The following NEK3 variants were observed in gnomAD, a reference collection of about 807,000 sequenced individuals.
NEK3 encodes NIMA related kinase 3.
A neutral mutation model predicts 66.0 loss-of-function variants in NEK3; 54 were observed. That is an observed-to-expected ratio of 0.82 (90% CI 0.66 to 1.03). NEK3 has a LOEUF of 1.03. Ranked by LOEUF, NEK3 falls within the 50% of genes least tolerant of loss-of-function variation. NEK3 has a pLI of 0.00. For synonymous variants in NEK3, 200 were observed against 206.2 expected (o/e 0.97, Z 0.26); for missense variants, 593 against 603.0 (o/e 0.98, Z 0.17).
chr13:52,152,815 C>T, intron 4 of NEK3, 123 bp from the exon 5 acceptor site: 2 of 577,280 alleles, frequency 3.5e-6, no homozygotes, highest in East Asian at 5.8e-5. Context: ...GAGTACAGAA[C>T]TCCTATAAAT....
In NEK3 at chr13:52,143,922, T is replaced by C. The variant is rs927211987; in HGVS notation, c.870A>G (p.Arg290=). Reference sequence around the variant, plus strand: ...CTCTGTCAAAATTCTTACTTTTTTTTCTTGGTGTGTTATGCTTCGAATTTT... The same window carrying C: ...CTCTGTCAAAATTCTTACTTTTTTTCCTTGGTGTGTTATGCTTCGAATTTT... ...EIKNSKHNTP[R]KKTNPSRIRI... is the part of the protein sequence containing the mutation. The change falls in exon 10 of 16, where the codon AGA becomes AGG. Residue 290 remains arginine, a synonymous_variant. Transcript: ENST00000610828. 10 of 1,413,956 alleles carry C rather than the reference T, an allele frequency of 7.1e-6. No homozygotes were observed. The highest frequency in any genetic ancestry group is 1.3e-5 in the South Asian group (1 of 77,314). 87.6% of individuals were successfully genotyped at this position (1,413,956 alleles called of 1,614,324 possible).
intron 10 of NEK3, among the ~76,000 whole-genome samples, chr13:52,142,722 T>C (rs1380311746): frequency 6.6e-6 from 1 of 152,238 alleles, no homozygotes; most frequent in Non-Finnish European, 1.5e-5. Context: ...AACATTATGA[T>C]AAAGAGCACC....
chr13:52,133,290 C>A, intron 15 of NEK3, 64 bp from the exon 16 acceptor site: 1 of 1,278,102 alleles, frequency 7.8e-7, no homozygotes, highest in South Asian at 1.3e-5. Context: ...TTGATGAGTT[C>A]AAAGCGGAAT....
intron 14 of NEK3, 62 bp from the exon 15 acceptor site, chr13:52,133,877 T>G (rs1197377650): frequency 1.3e-5 from 19 of 1,507,528 alleles, no homozygotes; most frequent in Non-Finnish European, 1.7e-5. Context: ...TTCATGCAGT[T>G]TGATTAAAAT....
At position 52,133,144 on chromosome 13, in the gene NEK3, A is replaced by C; in HGVS notation, c.1519T>G (p.Ter507GluextTer7). Residue 507 changes from the stop codon to glutamate, a stop_lost, in exon 16 of 16, where the codon TAA becomes GAA. Coordinates refer to ENST00000610828, the MANE Select transcript of NEK3 (RefSeq NM_002498.3). ...RAGWQGLCDR* is the reference protein window; with the variant it reads ...RAGWQGLCDRE ...ACTCAGGAACATTTCCTCAGGCATTATCTGTCGCACAGGCCTTGCCATCCA... is the reference window on the plus strand; with the variant it reads ...ACTCAGGAACATTTCCTCAGGCATTCTCTGTCGCACAGGCCTTGCCATCCA... The C allele has an allele frequency of 6.2e-7, 1 of 1,608,094 alleles. No homozygotes were observed. Among genetic ancestry groups the C allele is most frequent in the African/African-American group, 1.3e-5 (1 of 74,952 alleles).
intron 11 of NEK3, among the ~76,000 whole-genome samples, chr13:52,137,689 G>A (rs924167510): frequency 1.3e-5 from 2 of 152,104 alleles, no homozygotes; most frequent in Admixed American, 6.6e-5. Context: ...TAGTGGTGAG[G>A]GGCAGCTGTG....
Position 52,136,130 on chromosome 13 carries a change from G to A in NEK3, c.1160C>T (p.Ala387Val), listed in dbSNP as rs187445275. 2 of 1,613,732 alleles carry A rather than the reference G, an allele frequency of 1.2e-6. No homozygotes were observed. The highest frequency in any genetic ancestry group is 3.3e-5 in the Admixed American group (2 of 60,008). The change falls in exon 13 of 16, where the codon GCA becomes GTA. Residue 387 changes from alanine to valine, a missense_variant. Transcript: ENST00000610828. Reference protein sequence around the residue: ...NASILTSSLTAEDDRGGSVIK... With the variant: ...NASILTSSLTVEDDRGGSVIK... ...TGACTACTAACCTCTATCGTCCTCT[G>A]CTGTTAAACTGGAGGTGAGTATGGA...
At chr13:52,140,885 G>C in intron 11 of NEK3, 135 bp downstream of exon 11, 1 of 570,672 alleles carries the variant, frequency 1.8e-6, no homozygotes, top group Non-Finnish European at 3.0e-6. Context: ...GCGCAATCTA[G>C]GCTCACTGCA....
chr13:52,159,374 C>T (rs111886345), intron 1 of NEK3, 169 bp downstream of exon 1: 5,962 of 152,418 alleles, frequency 0.039, 127 homozygotes, highest in South Asian at 0.065. Context: ...CCCAAGGCGG[C>T]GAGGGACTTG....
chr13:52,154,799 G>A (rs1956378127), intron 2 of NEK3, among the ~76,000 whole-genome samples: 1 of 148,304 alleles, frequency 6.7e-6, no homozygotes, highest in Non-Finnish European at 1.5e-5. Flanking sequence ...ACCCTCCCCA[G>A]TGGCTGGGAC....
rs768782225 is a variant in NEK3 at position 52,144,811 on chromosome 13, A to G, written c.684T>C (p.Tyr228=). ...TCTGCTTGACTAGGAACTGAAGTTC[A>G]TAGGAGTAATGAGACGGCAGTGGAC... ...CISPLPSHYS[Y]ELQFLVKQMF... is the part of the protein sequence containing the mutation. Residue 228 remains tyrosine (Y), a synonymous_variant, in exon 9 of 16, where the codon TAT becomes TAC. Transcript: ENST00000610828. 5 of 1,612,774 alleles carry G rather than the reference A, an allele frequency of 3.1e-6. No individual in the cohort carries two copies. In the African/African-American group the frequency reaches 6.7e-5, roughly 22 times the overall value.
At position 52,141,010 on chromosome 13, in the gene NEK3, A is replaced by G; in HGVS notation, c.927+10T>C. ...GCCCGGCCTCATAAAAGTAATTTTAAAGCACTTACCACTGTGCTTGCTTCA... is the reference window on the plus strand; with the variant it reads ...GCCCGGCCTCATAAAAGTAATTTTAGAGCACTTACCACTGTGCTTGCTTCA... On this transcript the variant is annotated intron_variant, in intron 11 of 15. Transcript: ENST00000610828. 1 of 1,584,768 alleles carries G rather than the reference A, an allele frequency of 6.3e-7. No homozygotes were observed. The highest frequency in any genetic ancestry group is 8.6e-7 in the Non-Finnish European group (1 of 1,165,060).
intron 12 of NEK3, among the ~76,000 whole-genome samples, 197 bp from the exon 13 acceptor site, chr13:52,136,456 G>T (rs543559191): frequency 6.6e-6 from 1 of 151,420 alleles, no homozygotes; most frequent in Non-Finnish European, 1.5e-5. Context: ...AAATTAAAAC[G>T]AACCATTACA....
At chr13:52,150,116 C>T (rs1227354043) in intron 7 of NEK3, among the ~76,000 whole-genome samples, 1 of 152,130 alleles carries the variant, frequency 6.6e-6, no homozygotes, top group Non-Finnish European at 1.5e-5. Context: ...TTAAAATAAC[C>T]TATTTAGTAT....
At chr13:52,154,299 T>C in intron 2 of NEK3, 126 bp from the exon 3 acceptor site, 1 of 564,686 alleles carries the variant, frequency 1.8e-6, no homozygotes, top group Non-Finnish European at 3.0e-6. Context: ...TGGCTCAACT[T>C]AAGTTTGTCA....
At chr13:52,141,160 G>A (rs1956247624) in intron 10 of NEK3, 91 bp from the exon 11 acceptor site, 2 of 1,182,952 alleles carry the variant, frequency 1.7e-6, no homozygotes, top group Admixed American at 4.6e-5. Flanking sequence ...AGCTGGAGAA[G>A]TGAGTGAGGT....
intron 14 of NEK3, 123 bp downstream of exon 14, chr13:52,135,606 G>A (rs2408611): frequency 0.54 from 400,956 of 739,972 alleles, 113,481 homozygotes; most frequent in Non-Finnish European, 0.59. Flanking sequence ...ACAATGTGAC[G>A]TACTTAGTGC....
At chr13:52,156,013 CTTA>C in intron 2 of NEK3, 59 bp downstream of exon 2, 1 of 1,170,572 alleles carries the variant, frequency 8.5e-7, no homozygotes, top group South Asian at 1.5e-5. Context: ...TGGCCAAAAA[CTTA>C]TTCTTTTATA....
At chr13:52,152,039 A>T (rs1185290440) in intron 5 of NEK3, among the ~76,000 whole-genome samples, 4 of 152,204 alleles carry the variant, frequency 2.6e-5, no homozygotes, top group Admixed American at 2.6e-4. Context: ...CACACAACAA[A>T]ATCACCTTAC....
Sources: gnomAD v4.1 joint callset for allele counts (sites outside exome capture counted in the v4.1 genomes callset) on GRCh38, gnomAD v4.1.1 for gene constraint, MANE v1.5 for transcripts, NCBI Gene and HGNC (gene_info 2026-07-23, HGNC 2026-07-21) for gene names.